Variants in ARNT2 observed in about 807,000 individuals in gnomAD.
ARNT2 encodes the protein ARNT protein 2.
ARNT2 carries 36 observed loss-of-function variants against 91.7 expected under a neutral mutation model. The observed-to-expected ratio is 0.39, with a 90% CI of 0.30 to 0.52. The LOEUF (loss-of-function observed/expected upper bound fraction) is 0.52. ARNT2 is among the 20% of genes least tolerant of loss of function. The pLI, the probability that ARNT2 is intolerant of heterozygous loss-of-function variation, is 0.72. For synonymous variants in ARNT2, 365 were observed against 347.1 expected (o/e 1.05, Z -0.57); for missense variants, 775 against 939.3 (o/e 0.83, Z 2.29).
intron 8 of ARNT2, 134 bp from the exon 9 acceptor site, chr15:80,551,065 A>G: frequency 1.3e-6 from 1 of 764,578 alleles, no homozygotes; most frequent in South Asian, 1.7e-5. Context: ...TGGTTAATTC[A>G]TTGGCTGGCT....
chr15:80,546,107 T>C (rs1897985869), intron 8 of ARNT2, among the ~76,000 whole-genome samples: 1 of 152,226 alleles, frequency 6.6e-6, no homozygotes, highest in Admixed American at 6.5e-5. Flanking sequence ...TGAGTTTTGC[T>C]GCGTATAACA....
chr15:80,465,091 G>T (rs535410709), intron 3 of ARNT2, among the ~76,000 whole-genome samples: 11 of 152,332 alleles, frequency 7.2e-5, no homozygotes, highest in Admixed American at 6.5e-4. Context: ...TGCTTGAGAA[G>T]TGCTGAAGCC....
chr15:80,414,626 A>G (rs1895750422), intron 1 of ARNT2, among the ~76,000 whole-genome samples: 1 of 152,202 alleles, frequency 6.6e-6, no homozygotes, highest in South Asian at 2.1e-4. Context: ...AACAGCATTG[A>G]TGTTTCTATC....
chr15:80,583,652 A>T (rs778285563), intron 17 of ARNT2, among the ~76,000 whole-genome samples: 55 of 152,342 alleles, frequency 3.6e-4, no homozygotes, highest in Middle Eastern at 3.4e-3. Context: ...AGATACCATT[A>T]TTATTCCCAT....
chr15:80,418,406 C>T (rs146873003), intron 1 of ARNT2, among the ~76,000 whole-genome samples: 2,181 of 152,318 alleles, frequency 0.014, 20 homozygotes, highest in Non-Finnish European at 0.021. Context: ...CCGGCTGCTT[C>T]CTCCTGTCCC....
chr15:80,555,194 T>A, intron 11 of ARNT2, 55 bp downstream of exon 11: 1 of 1,582,242 alleles, frequency 6.3e-7, no homozygotes, highest in East Asian at 2.2e-5. Flanking sequence ...CACCTGTGGA[T>A]GTGGCTGGCA....
intron 2 of ARNT2, among the ~76,000 whole-genome samples, chr15:80,453,999 A>G (rs928212845): frequency 6.6e-6 from 1 of 152,310 alleles, no homozygotes; most frequent in East Asian, 1.9e-4. Flanking sequence ...GGGATCCTCC[A>G]GGCCTCCCGC....
intron 8 of ARNT2, among the ~76,000 whole-genome samples, chr15:80,540,719 T>C (rs984403562): frequency 1.3e-5 from 2 of 152,136 alleles, no homozygotes; most frequent in African/African-American, 4.8e-5. Context: ...CAATGTTTAG[T>C]TCCCACTTAT....
Position 80,558,328 on chromosome 15 carries a change from C to T in ARNT2, c.1164+3189C>T, listed in dbSNP as rs1164093398. Among the ~76,000 whole-genome samples, 5 of 141,950 alleles carry T rather than the reference C, an allele frequency of 3.5e-5. No homozygotes were observed. In the Admixed American group the frequency reaches 3.6e-4, roughly 10 times the overall value. 93.1% of individuals were successfully genotyped at this position (141,950 alleles called of 152,430 possible). A position where few individuals can be genotyped will look rare whatever the true frequency, so the allele number is the denominator to read the frequency against. On this transcript the variant is annotated intron_variant, in intron 11 of 18. Coordinates refer to ENST00000303329, the MANE Select transcript of ARNT2 (RefSeq NM_014862.4). ...TCCCTGTGGGCAGACTTCATTACGT[C>T]TGTGCTTTTTTTTTTTTTTTTTTTT...
At chr15:80,548,585 A>T (rs1898028740) in intron 8 of ARNT2, among the ~76,000 whole-genome samples, 1 of 152,176 alleles carries the variant, frequency 6.6e-6, no homozygotes, top group African/African-American at 2.4e-5. Context: ...ATATATGAAA[A>T]TCAATAGCCT....
chr15:80,496,758 G>C (rs1051437183), intron 5 of ARNT2, among the ~76,000 whole-genome samples: 12 of 152,172 alleles, frequency 7.9e-5, no homozygotes, highest in African/African-American at 2.9e-4. Context: ...GCTTTGTTAG[G>C]CTTGAGGGGT....
intron 6 of ARNT2, among the ~76,000 whole-genome samples, chr15:80,512,936 A>G (rs532720834): frequency 4.6e-5 from 7 of 152,228 alleles, no homozygotes; most frequent in South Asian, 2.1e-4. Flanking sequence ...TGAAACAGCT[A>G]TTTTCAGTAA....
intron 5 of ARNT2, among the ~76,000 whole-genome samples, chr15:80,476,152 G>T (rs1444648914): frequency 6.6e-6 from 1 of 152,210 alleles, no homozygotes; most frequent in Non-Finnish European, 1.5e-5. Context: ...GTTTGCTTAA[G>T]AGGTGGTCTC....
intron 1 of ARNT2, among the ~76,000 whole-genome samples, chr15:80,429,391 T>C (rs534994726): frequency 9.8e-4 from 150 of 152,302 alleles, no homozygotes; most frequent in Middle Eastern, 3.4e-3. Flanking sequence ...CCCCTAAATG[T>C]TGGGATTTAG....
intron 1 of ARNT2, among the ~76,000 whole-genome samples, chr15:80,427,307 T>C (rs1895947973): frequency 6.6e-6 from 1 of 152,208 alleles, no homozygotes; most frequent in Non-Finnish European, 1.5e-5. Flanking sequence ...CCCATCTGTC[T>C]CTCTGTTGAG....
At chr15:80,410,823 C>A (rs1163353488) in intron 1 of ARNT2, among the ~76,000 whole-genome samples, 1 of 151,308 alleles carries the variant, frequency 6.6e-6, no homozygotes, top group Non-Finnish European at 1.5e-5. Flanking sequence ...ATCTATCTAC[C>A]TACCTATCAT....
intron 6 of ARNT2, 99 bp downstream of exon 6, chr15:80,508,357 C>A: frequency 2.6e-6 from 3 of 1,169,060 alleles, no homozygotes; most frequent in Non-Finnish European, 1.3e-6. Flanking sequence ...TCACACATGC[C>A]AACGTGGGTT....
rs533116752 is a variant in ARNT2, at chr15:80,421,276, A to G, written c.31+16730A>G. Among the ~76,000 whole-genome samples, 8 of 152,248 alleles carry G rather than the reference A, an allele frequency of 5.3e-5. No individual in the cohort carries two copies. The East Asian group carries it at 1.5e-3, about 29-fold the overall frequency. Reference sequence around the variant, plus strand: ...GAAGGGTGGAGGGAGTGACGGCTAAAAAACTATATATTGAGTACAATGCAC... The same window carrying G: ...GAAGGGTGGAGGGAGTGACGGCTAAGAAACTATATATTGAGTACAATGCAC... On this transcript the variant is annotated intron_variant, in intron 1 of 18. Transcript: ENST00000303329.
Position 80,596,612 on chromosome 15 carries a change from C to A in ARNT2, c.*2914C>A. 1 of 153,360 alleles carries A rather than the reference C, an allele frequency of 6.5e-6. No homozygotes were observed. The highest frequency in any genetic ancestry group is 6.5e-5 in the Admixed American group (1 of 15,494). 9.5% of individuals were successfully genotyped at this position (153,360 alleles called of 1,614,324 possible). On this transcript the variant is annotated 3_prime_UTR_variant, in exon 19 of 19. Transcript: ENST00000303329. Reference sequence around the variant, plus strand: ...TGGTCTGCTTGTCCTTCAGCCCATGCCCAGCAGATACCTCTCTGACTGGAG... The same window carrying A: ...TGGTCTGCTTGTCCTTCAGCCCATGACCAGCAGATACCTCTCTGACTGGAG...
Sources: allele counts gnomAD v4.1 joint callset (sites outside exome capture counted in the v4.1 genomes callset), GRCh38; gene constraint gnomAD v4.1.1; transcripts MANE v1.5; gene names NCBI Gene and HGNC (gene_info 2026-07-23, HGNC 2026-07-21).